Variants in PRKCA observed in about 807,000 individuals in gnomAD.
PRKCA encodes the protein protein kinase C alpha, also known as protein kinase C alpha type.
In PRKCA, 27 loss-of-function variants were observed where a neutral mutation model predicts 87.0. The observed-to-expected ratio is 0.31, with a 90% CI of 0.23 to 0.43. PRKCA has a LOEUF of 0.43. Among genes scored for constraint, PRKCA ranks in the 20% least tolerant of loss-of-function variants. The pLI is 1.00. For synonymous variants in PRKCA, 329 were observed against 311.1 expected, an observed-to-expected ratio of 1.06 and a Z score of -0.61; for missense variants, 518 against 852.3, an observed-to-expected ratio of 0.61 and a Z score of 4.88.
intron 2 of PRKCA, among the ~76,000 whole-genome samples, chr17:66,426,643 A>C (rs937581903): frequency 3.9e-5 from 6 of 152,204 alleles, no homozygotes; most frequent in Non-Finnish European, 8.8e-5. Flanking sequence ...TCAACTGTCC[A>C]ACCCTTGCCC....
At chr17:66,767,324 T>G (rs1033945967) in intron 13 of PRKCA, among the ~76,000 whole-genome samples, 1 of 152,176 alleles carries the variant, frequency 6.6e-6, no homozygotes, top group African/African-American at 2.4e-5. Context: ...TTGTTTTGCT[T>G]AAAATCACAG....
chr17:66,353,902 C>T (rs1244283581), intron 2 of PRKCA, among the ~76,000 whole-genome samples: 5 of 151,460 alleles, frequency 3.3e-5, no homozygotes, highest in East Asian at 1.9e-4. Context: ...TTTTTTTTCA[C>T]GGATGCTGCT....
At chr17:66,698,586 C>T (rs1972985694) in intron 8 of PRKCA, among the ~76,000 whole-genome samples, 1 of 151,858 alleles carries the variant, frequency 6.6e-6, no homozygotes, top group Non-Finnish European at 1.5e-5. Context: ...ATGAAGAAAG[C>T]CTATGGGATT....
intron 14 of PRKCA, among the ~76,000 whole-genome samples, chr17:66,776,371 C>A (rs12948890): frequency 1.1e-4 from 16 of 151,970 alleles, no homozygotes; most frequent in Admixed American, 3.9e-4. Flanking sequence ...GAGTCGGTGG[C>A]GCGATCTCAG....
At chr17:66,304,243 T>C (rs1328736497) in intron 1 of PRKCA, among the ~76,000 whole-genome samples, 1 of 152,106 alleles carries the variant, frequency 6.6e-6, no homozygotes. Flanking sequence ...TGTGAATCTT[T>C]TTCCTGGTGA....
At chr17:66,781,887 AGTGTGTGTGTGTGT>A (rs749824745) in intron 14 of PRKCA, among the ~76,000 whole-genome samples, 27 of 125,620 alleles carry the variant, frequency 2.1e-4, no homozygotes, top group Non-Finnish European at 4.2e-4. Context: ...ATATATATAT[AGTGTGTGTGTGTGT>A]GTGTGTGTGT....
intron 6 of PRKCA, 140 bp downstream of exon 6, chr17:66,687,407 AG>A (rs1972659695): frequency 7.1e-6 from 6 of 841,790 alleles, no homozygotes; most frequent in Non-Finnish European, 1.1e-5. Flanking sequence ...GGCTGCCATT[AG>A]GGAGGTAGCT....
intron 8 of PRKCA, among the ~76,000 whole-genome samples, chr17:66,710,430 C>T (rs1054773050): frequency 6.6e-6 from 1 of 152,164 alleles, no homozygotes; most frequent in Non-Finnish European, 1.5e-5. Context: ...TTCTCCTCCT[C>T]CTGTCTTTTA....
chr17:66,539,553 G>A (rs970309749), intron 3 of PRKCA, among the ~76,000 whole-genome samples: 5 of 152,034 alleles, frequency 3.3e-5, no homozygotes, highest in South Asian at 2.1e-4. Flanking sequence ...ACAGGCGCCC[G>A]CCACCACATC....
intron 3 of PRKCA, among the ~76,000 whole-genome samples, chr17:66,619,357 T>G (rs1179002294): frequency 1.3e-5 from 2 of 152,134 alleles, no homozygotes; most frequent in Admixed American, 1.3e-4. Context: ...AGGTTTGGGG[T>G]TGCCCTAAAG....
chr17:66,795,682 C>G (rs1322856228), intron 16 of PRKCA, among the ~76,000 whole-genome samples: 1 of 152,214 alleles, frequency 6.6e-6, no homozygotes, highest in Non-Finnish European at 1.5e-5. Flanking sequence ...ACCCTGTGTA[C>G]ATCAAAGTGT....
intron 3 of PRKCA, among the ~76,000 whole-genome samples, chr17:66,533,678 A>G (rs1967649543): frequency 6.6e-6 from 1 of 150,682 alleles, no homozygotes; most frequent in African/African-American, 2.5e-5. Flanking sequence ...GGCAAGATCC[A>G]GAGGAGACTG....
chr17:66,500,904 A>G (rs1220196517), intron 3 of PRKCA, among the ~76,000 whole-genome samples: 3 of 146,142 alleles, frequency 2.1e-5, no homozygotes, highest in South Asian at 4.3e-4. Context: ...AATTTAAGAG[A>G]AAAAAAACTG....
At chr17:66,728,217 C>T (rs574722793) in intron 8 of PRKCA, among the ~76,000 whole-genome samples, 1 of 152,326 alleles carries the variant, frequency 6.6e-6, no homozygotes, top group African/African-American at 2.4e-5. Context: ...GATGCTGGGT[C>T]TGCTCTGATC....
intron 2 of PRKCA, among the ~76,000 whole-genome samples, chr17:66,376,515 G>T (rs2143563061): frequency 6.6e-6 from 1 of 152,228 alleles, no homozygotes; most frequent in South Asian, 2.1e-4. Context: ...GGCTGAGGCA[G>T]GAGAATCGCT....
At chr17:66,774,606 G>A (rs1975007746) in intron 14 of PRKCA, 2 of 986,444 alleles carry the variant, frequency 2.0e-6, no homozygotes, top group Non-Finnish European at 1.2e-6. Flanking sequence ...GGGCAACAGA[G>A]TGAGACGGTC....
chr17:66,809,510 G>C lies in PRKCA; in HGVS notation c.*5473G>C, dbSNP rs2144465273. 6.6e-6 allele frequency: 1 copy of C among 152,392 alleles called. No homozygotes were observed. The highest frequency in any genetic ancestry group is 2.1e-4 in the South Asian group (1 of 4,822). 9.4% of individuals were successfully genotyped at this position (152,392 alleles called of 1,614,324 possible). ...TTTAATAATAATTCTTTAAAAATGA[G>C]TTTTTAGAACAAAGCAACTGACGAT... On this transcript the variant is annotated 3_prime_UTR_variant, in exon 17 of 17. Transcript: ENST00000413366.
intron 2 of PRKCA, among the ~76,000 whole-genome samples, chr17:66,337,147 C>T (rs775223746): frequency 5.3e-5 from 8 of 151,768 alleles, no homozygotes; most frequent in East Asian, 1.9e-4. Flanking sequence ...TTTTTTCCTC[C>T]GCAGAGTCAA....
At chr17:66,427,981 C>T (rs1443480804) in intron 2 of PRKCA, among the ~76,000 whole-genome samples, 1 of 152,156 alleles carries the variant, frequency 6.6e-6, no homozygotes, top group East Asian at 1.9e-4. Flanking sequence ...CTCTGTGATT[C>T]CTCCTCCTGA....
Sources: gnomAD v4.1 joint callset for allele counts (sites outside exome capture counted in the v4.1 genomes callset) on GRCh38, gnomAD v4.1.1 for gene constraint, MANE v1.5 for transcripts, NCBI Gene and HGNC (gene_info 2026-07-23, HGNC 2026-07-21) for gene names.